SYT16: variants seen among roughly 807,000 people sequenced by gnomAD.
SYT16 encodes synaptotagmin 16.
A neutral mutation model predicts 61.4 loss-of-function variants in SYT16; 42 were observed. The ratio of observed to expected loss-of-function variants is 0.68; its 90% CI spans 0.53 to 0.89. SYT16 has a LOEUF of 0.89. Ranked by LOEUF, SYT16 falls within the 40% of genes least tolerant of loss-of-function variation. The pLI is 0.00. For synonymous variants in SYT16, 314 were observed against 302.3 expected, an observed-to-expected ratio of 1.04 and a Z score of -0.40; for missense variants, 804 against 807.3, an observed-to-expected ratio of 1.00 and a Z score of 0.05.
chr14:61,910,757 G>C (rs765062377), intron 1 of SYT16, among the ~76,000 whole-genome samples: 1 of 152,090 alleles, frequency 6.6e-6, no homozygotes, highest in African/African-American at 2.4e-5. Flanking sequence ...TTGAACTCCT[G>C]ACCGCAAGTG....
intron 5 of SYT16, among the ~76,000 whole-genome samples, chr14:62,079,780 G>A (rs563217703): frequency 3.9e-5 from 6 of 152,156 alleles, no homozygotes; most frequent in Non-Finnish European, 7.4e-5. Flanking sequence ...ATTTGTTAGT[G>A]GGGTGGTTCA....
intron 1 of SYT16, among the ~76,000 whole-genome samples, chr14:61,831,092 T>C (rs887205586): frequency 2.0e-5 from 3 of 152,272 alleles, no homozygotes; most frequent in African/African-American, 7.2e-5. Flanking sequence ...TTTGCCAATG[T>C]CTAAGACATT....
At chr14:61,826,363 C>T (rs2045772493) in intron 1 of SYT16, among the ~76,000 whole-genome samples, 1 of 152,054 alleles carries the variant, frequency 6.6e-6, no homozygotes, top group African/African-American at 2.4e-5. Context: ...GCTCTGGTGT[C>T]AGGAATAGAG....
chr14:61,993,658 A>C (rs11621173), intron 2 of SYT16, among the ~76,000 whole-genome samples: 7,444 of 152,070 alleles, frequency 0.049, 218 homozygotes, highest in African/African-American at 0.072. Flanking sequence ...GAAAAAAAAA[A>C]CCCGAAAAAC....
intron 3 of SYT16, among the ~76,000 whole-genome samples, chr14:62,035,974 A>G (rs978346956): frequency 1.3e-5 from 2 of 152,120 alleles, no homozygotes; most frequent in African/African-American, 2.4e-5. Context: ...TGTGCAAGCT[A>G]TGTAGGCTCT....
At chr14:62,081,306 T>G (rs1163247042) in intron 6 of SYT16, 32 bp downstream of exon 6, 12 of 1,586,480 alleles carry the variant, frequency 7.6e-6, no homozygotes, top group Non-Finnish European at 8.6e-6. Flanking sequence ...GCTAATGATG[T>G]GGTGTGTTCG....
Position 61,913,704 on chromosome 14 carries a change from T to TTGTGTGTGTGTGTGTGTGTG in SYT16, c.-324-56417_-324-56398dup, listed in dbSNP as rs56758661. Among the ~76,000 whole-genome samples the TTGTGTGTGTGTGTGTGTGTG allele has an allele frequency of 3.3e-3, 475 of 145,868 alleles. 4 individuals are homozygous for TTGTGTGTGTGTGTGTGTGTG. The highest frequency in any genetic ancestry group is 0.013 in the South Asian group (59 of 4,474). On this transcript the variant is annotated intron_variant, in intron 1 of 7. Coordinates refer to ENST00000683842, the MANE Select transcript of SYT16 (RefSeq NM_001367656.1). ...AATAAGATCATCCTTCTTTGGGTCTTTGTGTGTGTGTGTGTGTGTGTGTGT... is the reference window on the plus strand; with the variant it reads ...AATAAGATCATCCTTCTTTGGGTCTTTGTGTGTGTGTGTGTGTGTGTGTGTGTGTGTGTGTGTGTGTGTGT...
chr14:62,002,448 G>GT (rs76277599), intron 3 of SYT16, among the ~76,000 whole-genome samples: 86,997 of 143,936 alleles, frequency 0.6, 26,194 homozygotes, highest in African/African-American at 0.76. Context: ...TCAGGCTTTT[G>GT]CCCCTTCCCA....
At chr14:62,041,116 C>T (rs1372504156) in intron 3 of SYT16, among the ~76,000 whole-genome samples, 1 of 152,134 alleles carries the variant, frequency 6.6e-6, no homozygotes, top group African/African-American at 2.4e-5. Flanking sequence ...GTCTGGGAGG[C>T]TAGTCCTGTC....
chr14:61,844,825 G>T (rs1167134499), intron 1 of SYT16, among the ~76,000 whole-genome samples: 1 of 152,082 alleles, frequency 6.6e-6, no homozygotes, highest in Non-Finnish European at 1.5e-5. Flanking sequence ...ATTCATCAGA[G>T]ATATTGGGCT....
At chr14:61,941,618 G>A (rs1284907384) in intron 1 of SYT16, among the ~76,000 whole-genome samples, 1 of 152,120 alleles carries the variant, frequency 6.6e-6, no homozygotes, top group East Asian at 1.9e-4. Flanking sequence ...CCAGCCTGCG[G>A]CATCAAAGTC....
At chr14:61,963,065 A>G (rs879327658) in intron 1 of SYT16, among the ~76,000 whole-genome samples, 3 of 152,074 alleles carry the variant, frequency 2.0e-5, no homozygotes, top group Non-Finnish European at 4.4e-5. Flanking sequence ...AATATTGTGT[A>G]AGTTCTGACT....
intron 1 of SYT16, among the ~76,000 whole-genome samples, chr14:61,845,645 T>C (rs1267323611): frequency 1.3e-5 from 2 of 152,208 alleles, no homozygotes; most frequent in Non-Finnish European, 2.9e-5. Context: ...AACCAACTTT[T>C]TGTTTCATTG....
At chr14:61,882,791 A>G (rs2047748319) in intron 1 of SYT16, among the ~76,000 whole-genome samples, 1 of 152,228 alleles carries the variant, frequency 6.6e-6, no homozygotes, top group African/African-American at 2.4e-5. Context: ...TCTAGATACA[A>G]TGGGAGTACA....
chr14:62,065,927 C>T (rs1293612097), intron 3 of SYT16, among the ~76,000 whole-genome samples: 1 of 152,170 alleles, frequency 6.6e-6, no homozygotes, highest in Non-Finnish European at 1.5e-5. Flanking sequence ...GCTGGGAAAT[C>T]CAGTCTCTTC....
At chr14:62,034,875 G>GT (rs1201688279) in intron 3 of SYT16, among the ~76,000 whole-genome samples, 1 of 152,132 alleles carries the variant, frequency 6.6e-6, no homozygotes, top group Non-Finnish European at 1.5e-5. Context: ...CAATAAAGCT[G>GT]TTTTTTAAAA....
intron 1 of SYT16, among the ~76,000 whole-genome samples, chr14:61,890,960 C>T (rs1339319756): frequency 6.6e-6 from 1 of 152,120 alleles, no homozygotes; most frequent in African/African-American, 2.4e-5. Context: ...ATATAAGTCC[C>T]TGGAGTGCAG....
intron 1 of SYT16, among the ~76,000 whole-genome samples, chr14:61,859,262 G>A (rs1380026842): frequency 2.0e-5 from 3 of 152,132 alleles, no homozygotes; most frequent in Non-Finnish European, 4.4e-5. Context: ...GGGAACTAGG[G>A]ACTAGACATG....
chr14:61,947,377 A>G (rs1451857102), intron 1 of SYT16, among the ~76,000 whole-genome samples: 1 of 151,106 alleles, frequency 6.6e-6, no homozygotes, highest in Non-Finnish European at 1.5e-5. Context: ...GTTTTAAGAT[A>G]ATAGTTTTCT....
Sources: gnomAD v4.1 joint callset for allele counts (sites outside exome capture counted in the v4.1 genomes callset) on GRCh38, gnomAD v4.1.1 for gene constraint, MANE v1.5 for transcripts, NCBI Gene and HGNC (gene_info 2026-07-23, HGNC 2026-07-21) for gene names.